EPS15L1: variants seen among roughly 807,000 people sequenced by gnomAD.
The protein encoded by EPS15L1 is epidermal growth factor receptor pathway substrate 15 like 1.
In EPS15L1, 43 loss-of-function variants were observed where a neutral mutation model predicts 117.1. That is an observed-to-expected ratio of 0.37 (90% CI 0.29 to 0.47). The LOEUF (loss-of-function observed/expected upper bound fraction) is 0.47. EPS15L1 is among the 20% of genes least tolerant of loss of function. The probability of loss-of-function intolerance (pLI) is 0.99; values close to 1 mark genes in which losing one functional copy is unlikely to be tolerated. For synonymous variants in EPS15L1, 459 were observed against 470.5 expected (o/e 0.98, Z 0.32); for missense variants, 981 against 1,164.0 (o/e 0.84, Z 2.29).
Position 16,428,717 on chromosome 19 carries a change from T to C in EPS15L1, c.543A>G (p.Arg181=), listed in dbSNP as rs2092902142. The change falls in exon 8 of 24, where the codon CGA becomes CGG. Residue 181 remains arginine, a synonymous_variant. Transcript: ENST00000455140. The stretch of plus-strand genomic sequence containing the variant: ...CAGGACTTACCACAGCGAACTCATC[T>C]CGATCCAAGTGCCCATCCTTGTCAA... ...SDIDKDGHLD[R]DEFAVAMHLV... 1.2e-6 allele frequency: 2 copies of C among 1,611,526 alleles called. No individual in the cohort carries two copies. The highest frequency in any genetic ancestry group is 1.7e-6 in the Non-Finnish European group (2 of 1,179,270).
chr19:16,418,904 C>T (rs556431865), intron 10 of EPS15L1, among the ~76,000 whole-genome samples: 1 of 152,306 alleles, frequency 6.6e-6, no homozygotes, highest in Admixed American at 6.5e-5. Context: ...CCCCCAGAGC[C>T]GTGAGAAATG....
chr19:16,393,219 G>T (rs73509177), intron 18 of EPS15L1, among the ~76,000 whole-genome samples: 290 of 151,876 alleles, frequency 1.9e-3, no homozygotes, highest in African/African-American at 6.6e-3. Flanking sequence ...TTGGGATGGG[G>T]TCTCCTTTTG....
chr19:16,409,964 T>C (rs915057518), intron 13 of EPS15L1, among the ~76,000 whole-genome samples: 6 of 45,516 alleles, frequency 1.3e-4, no homozygotes, highest in Non-Finnish European at 2.2e-4. Flanking sequence ...AAAAAAAAAA[T>C]CAGCTATAAA....
chr19:16,441,947 C>G lies in EPS15L1; in HGVS notation c.110G>C (p.Ser37Thr). 1.2e-6 allele frequency: 2 copies of G among 1,614,154 alleles called. No individual in the cohort carries two copies. Among genetic ancestry groups the G allele is most frequent in the Non-Finnish European group, 1.7e-6 (2 of 1,180,002 alleles). The change falls in exon 3 of 24, where the codon AGT becomes ACT. Residue 37 changes from serine to threonine, a missense_variant. Ser to Thr is a moderately conservative substitution (Grantham distance 58). Coordinates refer to ENST00000455140, the MANE Select transcript of EPS15L1 (RefSeq NM_001258374.3). ...CTTCTTTAGAAAAAGCGCAGCTTCA[C>G]TCGCCCCCACCCTCCCTGTGTATGC... is the stretch of plus-strand genomic sequence containing the variant. ...DPAYTGRVGA[S>T]EAALFLKKSG...
intron 1 of EPS15L1, among the ~76,000 whole-genome samples, chr19:16,465,730 C>T (rs2093298581): frequency 2.0e-5 from 3 of 152,066 alleles, no homozygotes. Flanking sequence ...TCCCTCTCTA[C>T]CTTTTAATGA....
intron 1 of EPS15L1, among the ~76,000 whole-genome samples, chr19:16,466,448 C>T (rs1018146843): frequency 1.3e-5 from 2 of 152,172 alleles, no homozygotes; most frequent in South Asian, 2.1e-4. Flanking sequence ...ATGCACTACA[C>T]ATTGGGCTCA....
chr19:16,355,533 G>A lies in EPS15L1; in HGVS notation c.*172C>T, dbSNP rs1170559805. On this transcript the variant is annotated 3_prime_UTR_variant, in exon 24 of 24. Transcript: ENST00000455140. Reference sequence around the variant, plus strand: ...CAAGGCCTCTGTAAGGGCTTCCCCAGGAGATGTGACCTTTCCAGGTCTTGC... The same window carrying A: ...CAAGGCCTCTGTAAGGGCTTCCCCAAGAGATGTGACCTTTCCAGGTCTTGC... 2.5e-6 allele frequency: 2 copies of A among 802,590 alleles called. No homozygotes were observed. The highest frequency in any genetic ancestry group is 3.5e-5 in the African/African-American group (2 of 57,798). The allele number at this position is 802,590 out of a possible 1,614,324, so 49.7% of individuals were successfully genotyped here.
chr19:16,449,767 G>A (rs1470889866), intron 1 of EPS15L1, among the ~76,000 whole-genome samples: 3 of 152,158 alleles, frequency 2.0e-5, no homozygotes, highest in Non-Finnish European at 2.9e-5. Flanking sequence ...CAATAAGTGA[G>A]TGGTTCAGCA....
At chr19:16,420,449 G>A (rs2092802414) in intron 10 of EPS15L1, among the ~76,000 whole-genome samples, 1 of 152,210 alleles carries the variant, frequency 6.6e-6, no homozygotes, top group African/African-American at 2.4e-5. Flanking sequence ...TGAGGCAGCT[G>A]AGACCCACTG....
chr19:16,395,614 G>A (rs1036534248), intron 16 of EPS15L1, 147 bp from the exon 17 acceptor site: 3 of 843,634 alleles, frequency 3.6e-6, no homozygotes, highest in Non-Finnish European at 5.6e-6. Context: ...GCTGGCCTGG[G>A]CAACATAGCA....
At chr19:16,416,929 A>T (rs928493484) in intron 12 of EPS15L1, among the ~76,000 whole-genome samples, 9 of 152,198 alleles carry the variant, frequency 5.9e-5, no homozygotes, top group Non-Finnish European at 1.3e-4. Flanking sequence ...TTTACACATG[A>T]GGAAACTAAG....
At chr19:16,387,190 G>A (rs916742339) in intron 19 of EPS15L1, among the ~76,000 whole-genome samples, 2 of 152,164 alleles carry the variant, frequency 1.3e-5, no homozygotes, top group Non-Finnish European at 2.9e-5. Context: ...TGAAAGTTCC[G>A]GAACTGAAAA....
chr19:16,422,545 G>A (rs980490730), intron 9 of EPS15L1, among the ~76,000 whole-genome samples: 1 of 152,166 alleles, frequency 6.6e-6, no homozygotes, highest in African/African-American at 2.4e-5. Flanking sequence ...TGTGGCTGGA[G>A]GGATCGATTG....
Position 16,407,162 on chromosome 19 carries a change from T to C in EPS15L1, c.1267-2413A>G, listed in dbSNP as rs188573735. 3.3e-3 allele frequency among the ~76,000 whole-genome samples: 500 copies of C among 152,286 alleles called. 3 individuals are homozygous for C. Among genetic ancestry groups the C allele is most frequent in the Non-Finnish European group, 4.2e-3 (285 of 68,026 alleles). ...CAAGCCAAATGGACTAAGACACACATGCCATGTCAGCGTCTGCAGTGACAA... is the reference window on the plus strand; with the variant it reads ...CAAGCCAAATGGACTAAGACACACACGCCATGTCAGCGTCTGCAGTGACAA... On this transcript the variant is annotated intron_variant, in intron 13 of 23. Coordinates refer to ENST00000455140, the MANE Select transcript of EPS15L1 (RefSeq NM_001258374.3).
At position 16,361,760 on chromosome 19, in the gene EPS15L1, G is replaced by T; in HGVS notation, c.2586+19C>A. 6.2e-7 allele frequency: 1 copy of T among 1,606,832 alleles called. No individual in the cohort carries two copies. Among genetic ancestry groups the T allele is most frequent in the Non-Finnish European group, 8.5e-7 (1 of 1,176,518 alleles). ...GCGGAAGGGAGTGGGGTGGCCCGGA[G>T]GCGGAGGACTCAACTTACAGAGGTG... On this transcript the variant is annotated intron_variant, in intron 23 of 23. Transcript: ENST00000455140.
At chr19:16,447,342 AAG>A (rs963390296) in intron 1 of EPS15L1, among the ~76,000 whole-genome samples, 8 of 152,238 alleles carry the variant, frequency 5.3e-5, no homozygotes, top group Admixed American at 4.6e-4. Flanking sequence ...GGCAAGTGAA[AAG>A]AGAGCTTTTC....
At chr19:16,403,282 T>C (rs749646475) in intron 15 of EPS15L1, among the ~76,000 whole-genome samples, 3 of 152,052 alleles carry the variant, frequency 2.0e-5, no homozygotes, top group Non-Finnish European at 4.4e-5. Context: ...GCTTAGAGAA[T>C]GGGGGTCCTG....
At chr19:16,399,321 AAGG>A (rs1157229916) in intron 16 of EPS15L1, among the ~76,000 whole-genome samples, 1 of 152,216 alleles carries the variant, frequency 6.6e-6, no homozygotes, top group Non-Finnish European at 1.5e-5. Context: ...ACCACCTACT[AAGG>A]AGAACAGACC....
rs893408806 is a variant in EPS15L1 at position 16,397,081 on chromosome 19, TTTTC to T, written c.1792-1618_1792-1615del. ...TGAAGATGGTCAAGTTTATGTCTAT[TTTTC>T]TTTCTTTCTTTTTTTTTTTCTGAGA... On this transcript the variant is annotated intron_variant, in intron 16 of 23. Transcript: ENST00000455140. Among the ~76,000 whole-genome samples the T allele has an allele frequency of 5.9e-5, 9 of 152,172 alleles. No individual in the cohort carries two copies. In the South Asian group the frequency reaches 6.2e-4, roughly 11 times the overall value.
Sources: gnomAD v4.1 joint callset for allele counts (sites outside exome capture counted in the v4.1 genomes callset) on GRCh38, gnomAD v4.1.1 for gene constraint, MANE v1.5 for transcripts, NCBI Gene and HGNC (gene_info 2026-07-23, HGNC 2026-07-21) for gene names.